CTNNA2: variants seen among roughly 807,000 people sequenced by gnomAD.
CTNNA2 encodes catenin alpha 2.
Under a neutral mutation model 101.0 loss-of-function variants are expected in CTNNA2, and 42 were observed. The observed-to-expected ratio is 0.42, with a 90% CI of 0.32 to 0.54. The LOEUF is 0.54. Ranked by LOEUF, CTNNA2 falls within the 20% of genes least tolerant of loss-of-function variation. The pLI is 0.14. For missense variants in CTNNA2, 871 were observed against 1,223.1 expected (o/e 0.71, Z 4.29); for synonymous variants, 450 against 456.4 (o/e 0.99, Z 0.18).
intron 7 of CTNNA2, among the ~76,000 whole-genome samples, chr2:79,917,196 C>G (rs966650549): frequency 6.6e-6 from 1 of 151,892 alleles, no homozygotes; most frequent in African/African-American, 2.4e-5. Context: ...CTCAGCCTGC[C>G]GAGTAGCTGG....
intron 9 of CTNNA2, among the ~76,000 whole-genome samples, chr2:80,437,793 G>A (rs1366976396): frequency 1.3e-5 from 2 of 152,232 alleles, no homozygotes; most frequent in Non-Finnish European, 2.9e-5. Flanking sequence ...GAGGTCAGGA[G>A]TTCGAGACCA....
chr2:80,258,647 T>A (rs982333790), intron 7 of CTNNA2, among the ~76,000 whole-genome samples: 7 of 152,148 alleles, frequency 4.6e-5, no homozygotes, highest in African/African-American at 1.7e-4. Context: ...CACATGCAAT[T>A]CTGCATGTTT....
At position 79,927,337 on chromosome 2, in the gene CTNNA2, C is replaced by G. The variant is rs541308052; in HGVS notation, c.1056+17540C>G. 3.3e-5 allele frequency among the ~76,000 whole-genome samples: 5 copies of G among 152,138 alleles called. No individual in the cohort carries two copies. In the South Asian group the frequency reaches 8.3e-4, roughly 25 times the overall value. ...TGTTTGGGAACAGCTATCCTGCCTG[C>G]AGAGGTGGAGAGTGGCTCTTGAGAG... On this transcript the variant is annotated intron_variant, in intron 7 of 18. Coordinates refer to ENST00000402739, the MANE Select transcript of CTNNA2 (RefSeq NM_001282597.3).
chr2:79,999,589 A>G (rs1399007044), intron 7 of CTNNA2, among the ~76,000 whole-genome samples: 1 of 152,158 alleles, frequency 6.6e-6, no homozygotes, highest in African/African-American at 2.4e-5. Flanking sequence ...TCTATACATT[A>G]TTTTATTTAT....
intron 9 of CTNNA2, among the ~76,000 whole-genome samples, chr2:80,491,594 G>A (rs957767353): frequency 3.3e-5 from 5 of 152,326 alleles, no homozygotes; most frequent in African/African-American, 1.2e-4. Context: ...GGAAGACAAA[G>A]GAGAGAAATA....
chr2:79,453,478 G>A (rs886697740), intron 4 of CTNNA2, among the ~76,000 whole-genome samples: 1 of 152,134 alleles, frequency 6.6e-6, no homozygotes, highest in Non-Finnish European at 1.5e-5. Context: ...TGTGCCAACA[G>A]ATAAGTGAAT....
intron 9 of CTNNA2, among the ~76,000 whole-genome samples, chr2:80,509,407 A>G (rs1688526826): frequency 6.6e-6 from 1 of 152,142 alleles, no homozygotes; most frequent in Non-Finnish European, 1.5e-5. Flanking sequence ...GACAATGCTG[A>G]TACACCATGA....
chr2:79,681,114 C>G (rs554742209), intron 2 of CTNNA2, among the ~76,000 whole-genome samples: 4 of 152,178 alleles, frequency 2.6e-5, no homozygotes, highest in African/African-American at 7.2e-5. Context: ...AAGATCAAGC[C>G]ACTGCACTCC....
chr2:80,084,514 C>T (rs145225238), intron 7 of CTNNA2, among the ~76,000 whole-genome samples: 11 of 152,066 alleles, frequency 7.2e-5, no homozygotes, highest in African/African-American at 2.4e-4. Context: ...CTTCTAAGTC[C>T]GGGAACACAC....
At chr2:80,198,267 C>G (rs974125641) in intron 7 of CTNNA2, among the ~76,000 whole-genome samples, 2 of 152,192 alleles carry the variant, frequency 1.3e-5, no homozygotes, top group African/African-American at 4.8e-5. Flanking sequence ...GGGGTGTCTT[C>G]TGCTCTTACC....
intron 9 of CTNNA2, among the ~76,000 whole-genome samples, chr2:80,532,846 A>G (rs1484699761): frequency 6.6e-6 from 1 of 152,140 alleles, no homozygotes; most frequent in Non-Finnish European, 1.5e-5. Flanking sequence ...ACTTTGATTA[A>G]TCAATTAGCA....
chr2:79,837,307 C>T (rs1679449821), intron 3 of CTNNA2, among the ~76,000 whole-genome samples: 2 of 152,168 alleles, frequency 1.3e-5, no homozygotes, highest in Admixed American at 1.3e-4. Flanking sequence ...GAGGCTAGGC[C>T]AGTGTCTTCT....
chr2:80,313,336 T>G (rs115629300), intron 7 of CTNNA2: 3 of 1,313,186 alleles, frequency 2.3e-6, no homozygotes, highest in African/African-American at 3.0e-5. Context: ...GCTATTCTTG[T>G]TTTTGTTCAT....
intron 7 of CTNNA2, among the ~76,000 whole-genome samples, chr2:80,016,149 C>T (rs990783226): frequency 1.4e-4 from 22 of 152,190 alleles, no homozygotes; most frequent in African/African-American, 5.3e-4. Context: ...AGAAAATTTT[C>T]TGCAGTGTAG....
intron 1 of CTNNA2, among the ~76,000 whole-genome samples, chr2:79,196,307 G>A (rs767790980): frequency 6.6e-6 from 1 of 151,996 alleles, no homozygotes; most frequent in Non-Finnish European, 1.5e-5. Flanking sequence ...TAGAATTAGT[G>A]GTGCTCAAAT....
intron 4 of CTNNA2, chr2:79,500,739 C>A (rs1671310407): frequency 6.6e-6 from 1 of 152,424 alleles, no homozygotes; most frequent in African/African-American, 2.4e-5. Flanking sequence ...TCTTGCTCTT[C>A]TTCTGGCAGC....
At chr2:80,514,390 G>T (rs1042904984) in intron 9 of CTNNA2, among the ~76,000 whole-genome samples, 3 of 152,152 alleles carry the variant, frequency 2.0e-5, no homozygotes, top group Non-Finnish European at 4.4e-5. Context: ...GGACAGTGGG[G>T]TGTTATCATC....
At chr2:79,600,833 C>CT (rs1424155695) in intron 1 of CTNNA2, among the ~76,000 whole-genome samples, 1 of 152,038 alleles carries the variant, frequency 6.6e-6, no homozygotes, top group East Asian at 1.9e-4. Flanking sequence ...GCCATATTCT[C>CT]TTTGTGTTCC....
At chr2:80,635,798 G>A (rs1672810039) in intron 18 of CTNNA2, among the ~76,000 whole-genome samples, 1 of 152,042 alleles carries the variant, frequency 6.6e-6, no homozygotes, top group African/African-American at 2.4e-5. Flanking sequence ...AGAATGCTGA[G>A]ACCATGGCTA....
Sources: allele counts gnomAD v4.1 joint callset (sites outside exome capture counted in the v4.1 genomes callset), GRCh38; gene constraint gnomAD v4.1.1; transcripts MANE v1.5; gene names NCBI Gene and HGNC (gene_info 2026-07-23, HGNC 2026-07-21).